The following DNAAF1 variants were observed in gnomAD, a reference collection of about 807,000 sequenced individuals.
The protein encoded by DNAAF1 is dynein axonemal assembly factor 1, also known as dynein assembly factor 1, axonemal.
DNAAF1 carries 65 observed loss-of-function variants against 71.1 expected under a neutral mutation model. The ratio of observed to expected loss-of-function variants is 0.91; its 90% confidence interval spans 0.75 to 1.12. The LOEUF is 1.12. Ranked by LOEUF, DNAAF1 falls within the 50% of genes most tolerant of loss-of-function variation. The pLI, the probability that DNAAF1 is intolerant of heterozygous loss-of-function variation, is 0.00. For synonymous variants in DNAAF1, 414 were observed against 354.6 expected (o/e 1.17, Z -1.88); for missense variants, 1,178 against 899.8 (o/e 1.31, Z -3.96).
At chr16:84,171,614 G>A (rs938538758) in intron 8 of DNAAF1, among the ~76,000 whole-genome samples, 6 of 152,224 alleles carry the variant, frequency 3.9e-5, no homozygotes, top group African/African-American at 7.2e-5. Context: ...GGGACAGGCT[G>A]GCGGTGGGCT....
intron 3 of DNAAF1, among the ~76,000 whole-genome samples, chr16:84,151,498 C>T (rs1003544956): frequency 1.3e-5 from 2 of 152,086 alleles, no homozygotes; most frequent in East Asian, 1.9e-4. Flanking sequence ...GGGACTGATA[C>T]TTAAGAGGTG....
intron 5 of DNAAF1, among the ~76,000 whole-genome samples, chr16:84,158,688 C>T (rs932086709): frequency 6.6e-6 from 1 of 152,158 alleles, no homozygotes; most frequent in Non-Finnish European, 1.5e-5. Flanking sequence ...AGGGTAACCA[C>T]ATTTTGAAAT....
chr16:84,172,552 C>A, intron 9 of DNAAF1, 177 bp downstream of exon 9: 2 of 1,440,282 alleles, frequency 1.4e-6, no homozygotes, highest in South Asian at 1.4e-5. Flanking sequence ...CCCAGGCCCA[C>A]TGATTAGAAT....
In DNAAF1 at chr16:84,172,171, C is replaced by G. The variant is rs115313974; in HGVS notation, c.1529-89C>G. 1,239 of 1,278,404 alleles carry G rather than the reference C, an allele frequency of 9.7e-4. 10 individuals carry two copies. In the African/African-American group the frequency reaches 0.016, roughly 17 times the overall value. 79.2% of individuals were successfully genotyped at this position (1,278,404 alleles called of 1,614,324 possible). A position where few individuals can be genotyped will look rare whatever the true frequency, so the allele number is the denominator to read the frequency against. ...GGATTACAGGCATGAGCCACCGAGCCCGGCCCTTGGGAGCCCATCTTCACC... is the reference window on the plus strand; with the variant it reads ...GGATTACAGGCATGAGCCACCGAGCGCGGCCCTTGGGAGCCCATCTTCACC... On this transcript the variant is annotated intron_variant, in intron 8 of 11. Coordinates refer to ENST00000378553, the MANE Select transcript of DNAAF1 (RefSeq NM_178452.6).
chr16:84,148,323 T>A (rs1409338261), intron 1 of DNAAF1, among the ~76,000 whole-genome samples: 1 of 152,166 alleles, frequency 6.6e-6, no homozygotes, highest in Non-Finnish European at 1.5e-5. Flanking sequence ...GAATTATCCC[T>A]ATGGATAGAT....
intron 6 of DNAAF1, among the ~76,000 whole-genome samples, chr16:84,160,920 G>C (rs1439639438): frequency 6.7e-6 from 1 of 149,678 alleles, no homozygotes; most frequent in Non-Finnish European, 1.5e-5. Context: ...CTGGGCAACA[G>C]AGCGAGACTC....
At chr16:84,170,383 G>A in intron 8 of DNAAF1, 27 bp downstream of exon 8, 1 of 1,613,114 alleles carries the variant, frequency 6.2e-7, no homozygotes, top group Non-Finnish European at 8.5e-7. Context: ...AACACACACA[G>A]ACACACACAC....
At chr16:84,145,646 C>A in intron 1 of DNAAF1, 82 bp downstream of exon 1, 2 of 1,460,898 alleles carry the variant, frequency 1.4e-6, no homozygotes, top group Non-Finnish European at 9.2e-7. Flanking sequence ...CACCACATAC[C>A]CGATCTTCAC....
intron 5 of DNAAF1, among the ~76,000 whole-genome samples, chr16:84,157,547 C>G (rs2087498246): frequency 6.6e-6 from 1 of 151,168 alleles, no homozygotes; most frequent in Admixed American, 6.6e-5. Context: ...GTCCTTTGGG[C>G]TTGAGAACCC....
intron 9 of DNAAF1, chr16:84,174,339 T>G: frequency 8.0e-7 from 1 of 1,252,026 alleles, no homozygotes; most frequent in Non-Finnish European, 1.0e-6. Flanking sequence ...TGTACAGAGG[T>G]GCATTTGGTT....
chr16:84,148,180 A>G (rs943154833), intron 1 of DNAAF1, among the ~76,000 whole-genome samples: 2 of 152,178 alleles, frequency 1.3e-5, no homozygotes, highest in East Asian at 3.8e-4. Flanking sequence ...TTTTATATGA[A>G]TTCTTGCAAG....
chr16:84,172,463 T>A (rs1457048162), intron 9 of DNAAF1, 88 bp downstream of exon 9: 2 of 1,553,990 alleles, frequency 1.3e-6, no homozygotes, highest in Non-Finnish European at 1.7e-6. Flanking sequence ...AGACCCTCGA[T>A]ACCCCAAGTG....
rs1050884933 is a variant in DNAAF1 at position 84,170,263 on chromosome 16, G to C, written c.1435G>C (p.Val479Leu). ...PAETLLLSPPVKVKGEDGDRE... is the reference protein window; with the variant it reads ...PAETLLLSPPLKVKGEDGDRE... ...TGAGACCCTGCTACTGTCACCGCCT[G>C]TGAAGGTTAAAGGAGAGGATGGAGA... Residue 479 changes from valine to leucine, a missense_variant, in exon 8 of 12, where the codon GTG becomes CTG. Transcript: ENST00000378553. 1.9e-6 allele frequency: 3 copies of C among 1,609,874 alleles called. No homozygotes were observed. The highest frequency in any genetic ancestry group is 2.5e-6 in the Non-Finnish European group (3 of 1,178,024).
At chr16:84,149,271 G>A in intron 2 of DNAAF1, 129 bp downstream of exon 2, 1 of 1,238,660 alleles carries the variant, frequency 8.1e-7, no homozygotes, top group Non-Finnish European at 1.2e-6. Context: ...TGAGAATGGA[G>A]TGAGGATGGC....
chr16:84,174,669 G>T lies in DNAAF1; in HGVS notation c.1645G>T (p.Asp549Tyr). Reference protein sequence around the residue: ...LETKETFCIDDLPDLEDDDET... With the variant: ...LETKETFCIDYLPDLEDDDET... ...ATGTGCGGCTCACTTGCTCTTTCAG[G>T]ACCTACCTGACTTGGAAGATGATGA... Residue 549 changes from aspartate to tyrosine, a missense_variant and splice_region_variant, in exon 10 of 12, where the codon GAC becomes TAC. Coordinates refer to ENST00000378553, the MANE Select transcript of DNAAF1 (RefSeq NM_178452.6). 1 of 1,614,108 alleles carries T rather than the reference G, an allele frequency of 6.2e-7. No individual in the cohort carries two copies. The highest frequency in any genetic ancestry group is 8.5e-7 in the Non-Finnish European group (1 of 1,180,018).
chr16:84,176,217 GC>G lies in DNAAF1; in HGVS notation c.1989del (p.Thr664ProfsTer71). The G allele has an allele frequency of 1.2e-6, 2 of 1,613,702 alleles. No individual in the cohort carries two copies. Among genetic ancestry groups the G allele is most frequent in the East Asian group, 2.2e-5 (1 of 44,866 alleles). On this transcript the variant is annotated frameshift_variant, in exon 11 of 12. Transcript: ENST00000378553. LOFTEE classifies it high-confidence loss of function. Reference protein sequence around the residue: ...DEDPSGQLLMPPTCQRDAAPL... With the variant: ...DEDPSGQLLMXPTCQRDAAPL... ...AGGACCCCTCTGGCCAGCTACTGAT[GC>G]CCCCCACCTGCCAAAGAGATGCTGC...
In DNAAF1 at chr16:84,170,375, C is replaced by A; in HGVS notation, c.1528+19C>A. On this transcript the variant is annotated intron_variant, in intron 8 of 11. Coordinates refer to ENST00000378553, the MANE Select transcript of DNAAF1 (RefSeq NM_178452.6). ...AGGGAAGGTAATGTGAGCGGAGAAA[C>A]ACACACAGACACACACACCTCTCAG... 2 of 1,613,316 alleles carry A rather than the reference C, an allele frequency of 1.2e-6. No individual in the cohort carries two copies. Among genetic ancestry groups the A allele is most frequent in the Non-Finnish European group, 1.7e-6 (2 of 1,180,002 alleles).
rs370595129 is a variant in DNAAF1, at chr16:84,159,735, G to C, written c.802G>C (p.Val268Leu). 6.2e-7 allele frequency: 1 copy of C among 1,613,900 alleles called. No individual in the cohort carries two copies. The highest frequency in any genetic ancestry group is 8.5e-7 in the Non-Finnish European group (1 of 1,179,918). ...ACAGATTCCTAATTACAGAAGGACA[G>C]TCACTGTACGACTAAAGCACTTAAC... ...IRQIPNYRRT[V>L]TVRLKHLTYL... Residue 268 changes from valine (V) to leucine (L), a missense_variant, in exon 6 of 12, where the codon GTC (valine) becomes CTC (leucine). Transcript: ENST00000378553.
intron 2 of DNAAF1, among the ~76,000 whole-genome samples, chr16:84,149,681 A>G (rs1597399956): frequency 9.2e-6 from 1 of 108,218 alleles, no homozygotes; most frequent in African/African-American, 3.7e-5. Context: ...GCAGAGTGAG[A>G]CTCCATCTCA....
Sources: allele counts gnomAD v4.1 joint callset (sites outside exome capture counted in the v4.1 genomes callset), GRCh38; gene constraint gnomAD v4.1.1; transcripts MANE v1.5; gene names NCBI Gene and HGNC (gene_info 2026-07-23, HGNC 2026-07-21).